The following MPDZ variants were observed in gnomAD, a reference collection of about 807,000 sequenced individuals.
MPDZ encodes multiple PDZ domain crumbs cell polarity complex component, also known as multiple PDZ domain protein.
In MPDZ, 234 loss-of-function variants were observed where a neutral mutation model predicts 239.1. That is an observed-to-expected ratio of 0.98 (90% CI 0.88 to 1.09). The LOEUF (loss-of-function observed/expected upper bound fraction) is 1.09. Ranked by LOEUF, MPDZ falls within the 50% of genes least tolerant of loss-of-function variation. The pLI, the probability that MPDZ is intolerant of heterozygous loss-of-function variation, is 0.00. For synonymous variants in MPDZ, 1,048 were observed against 881.3 expected (o/e 1.19, Z -3.35); for missense variants, 3,175 against 2,510.0 (o/e 1.26, Z -5.66).
chr9:13,133,219 C>T (rs941285229), intron 32 of MPDZ, among the ~76,000 whole-genome samples: 3 of 152,048 alleles, frequency 2.0e-5, no homozygotes, highest in East Asian at 1.9e-4. Context: ...AAGATGTCAT[C>T]TCTCTTAAAT....
In MPDZ at chr9:13,219,582, G is replaced by T. The variant is rs377282513; in HGVS notation, c.1063C>A (p.Pro355Thr). Residue 355 changes from proline to threonine, a missense_variant, in exon 8 of 47, where the codon CCA becomes ACA. Pro to Thr is a conservative substitution (Grantham distance 38). Coordinates refer to ENST00000319217, the MANE Select transcript of MPDZ (RefSeq NM_001378778.1). ...ACCCGCAACTCTGGTGTTGAAGTTGGGGATGAGGAGAGGGTGATGCCCAAA... is the reference window on the plus strand; with the variant it reads ...ACCCGCAACTCTGGTGTTGAAGTTGTGGATGAGGAGAGGGTGATGCCCAAA... ...TALGITLSSS[P>T]TSTPELRVDA... is the part of the protein sequence containing the mutation. 2.2e-5 allele frequency: 36 copies of T among 1,611,820 alleles called. No homozygotes were observed. The highest frequency in any genetic ancestry group is 3.0e-5 in the Non-Finnish European group (35 of 1,178,844).
At chr9:13,248,432 A>G (rs551893654) in intron 2 of MPDZ, among the ~76,000 whole-genome samples, 1 of 152,272 alleles carries the variant, frequency 6.6e-6, no homozygotes, top group African/African-American at 2.4e-5. Context: ...CTAAAAGTAA[A>G]TATATTGAGT....
At chr9:13,218,411 T>C (rs1472373936) in intron 8 of MPDZ, among the ~76,000 whole-genome samples, 2 of 151,922 alleles carry the variant, frequency 1.3e-5, no homozygotes, top group Non-Finnish European at 2.9e-5. Context: ...AGAACAGATA[T>C]TTTTCTAAGC....
At chr9:13,180,296 C>A (rs1231130766) in intron 19 of MPDZ, among the ~76,000 whole-genome samples, 1 of 152,128 alleles carries the variant, frequency 6.6e-6, no homozygotes, top group Non-Finnish European at 1.5e-5. Flanking sequence ...AGTTGACGTA[C>A]AAGGTGCAAA....
chr9:13,254,463 G>C (rs1968915930), intron 1 of MPDZ, among the ~76,000 whole-genome samples: 1 of 152,110 alleles, frequency 6.6e-6, no homozygotes, highest in Non-Finnish European at 1.5e-5. Context: ...AGAATACACA[G>C]TATATTGTTG....
intron 32 of MPDZ, among the ~76,000 whole-genome samples, chr9:13,129,783 C>A (rs1389323068): frequency 1.3e-5 from 2 of 152,008 alleles, no homozygotes; most frequent in Non-Finnish European, 2.9e-5. Flanking sequence ...GTTTCCCAGG[C>A]TGGTCTTGAA....
chr9:13,261,662 T>C (rs987124921), intron 1 of MPDZ, among the ~76,000 whole-genome samples: 2 of 152,024 alleles, frequency 1.3e-5, no homozygotes, highest in Non-Finnish European at 2.9e-5. Context: ...AATATAACAC[T>C]ATAAAGTTCT....
chr9:13,153,850 C>T (rs1949502420), intron 24 of MPDZ, among the ~76,000 whole-genome samples: 1 of 152,044 alleles, frequency 6.6e-6, no homozygotes, highest in South Asian at 2.1e-4. Context: ...GAAAATGTCT[C>T]CAAGGGCTCT....
At chr9:13,120,500 A>G (rs964641646) in intron 38 of MPDZ, 14 of 152,274 alleles carry the variant, frequency 9.2e-5, no homozygotes, top group African/African-American at 3.1e-4. Flanking sequence ...CCCACATCCT[A>G]TAGTAGCCAT....
intron 23 of MPDZ, among the ~76,000 whole-genome samples, chr9:13,161,579 A>G (rs1365469894): frequency 6.6e-6 from 1 of 152,134 alleles, no homozygotes; most frequent in Non-Finnish European, 1.5e-5. Flanking sequence ...GTCTCAAAAA[A>G]AAAAGAATTG....
chr9:13,168,022 A>T (rs1036090944), intron 22 of MPDZ, among the ~76,000 whole-genome samples: 4 of 152,112 alleles, frequency 2.6e-5, no homozygotes, highest in African/African-American at 9.7e-5. Context: ...ACAATTCCTT[A>T]TATCAAAGCC....
rs537691538 is a variant in MPDZ, at chr9:13,276,695, C to T, written c.-58+2705G>A. ...TTGGGGACATTCCAGTCCAACTTTG[C>T]CTCAAAATATTTCATGAAATTCAGA... On this transcript the variant is annotated intron_variant, in intron 1 of 46. Transcript: ENST00000319217. The T allele has an allele frequency of 4.6e-5, 7 of 152,240 alleles. No homozygotes were observed. In the South Asian group the frequency reaches 1.4e-3, roughly 32 times the overall value. The allele number at this position is 152,240 out of a possible 1,614,324, so 9.4% of individuals were successfully genotyped here. A position where few individuals can be genotyped will look rare whatever the true frequency, so the allele number is the denominator to read the frequency against.
chr9:13,218,109 C>T (rs1374589384), intron 8 of MPDZ, among the ~76,000 whole-genome samples: 2 of 151,768 alleles, frequency 1.3e-5, no homozygotes, highest in East Asian at 3.9e-4. Flanking sequence ...TTGGGGCTAG[C>T]TGATGTTTTC....
chr9:13,187,762 G>GTGTATCTGCCTTTTC (rs148418179), intron 17 of MPDZ, among the ~76,000 whole-genome samples: 2,057 of 152,146 alleles, frequency 0.014, 49 homozygotes, highest in South Asian at 0.081. Context: ...ATTTTCTTAA[G>GTGTATCTGCCTTTTC]ACTTCAAACT....
intron 1 of MPDZ, among the ~76,000 whole-genome samples, chr9:13,253,406 T>A (rs777608631): frequency 1.6e-4 from 24 of 152,184 alleles, no homozygotes; most frequent in Non-Finnish European, 3.1e-4. Context: ...TAAGAATTTT[T>A]AAAAATTGTT....
intron 1 of MPDZ, among the ~76,000 whole-genome samples, chr9:13,266,525 A>G (rs1481474069): frequency 6.6e-6 from 1 of 152,222 alleles, no homozygotes; most frequent in Non-Finnish European, 1.5e-5. Context: ...TTCAGCAGAC[A>G]GAAGAAATCA....
chr9:13,237,353 C>T (rs1249056850), intron 3 of MPDZ, among the ~76,000 whole-genome samples: 8 of 144,430 alleles, frequency 5.5e-5, no homozygotes, highest in African/African-American at 1.0e-4. Flanking sequence ...TGGAGGGTCA[C>T]GGGAGCCCAA....
At chr9:13,126,452 C>G in intron 34 of MPDZ, 64 bp downstream of exon 34, 1 of 1,139,824 alleles carries the variant, frequency 8.8e-7, no homozygotes, top group Non-Finnish European at 1.3e-6. Flanking sequence ...ATCGCAGACA[C>G]AAACACTTTA....
chr9:13,237,472 G>A (rs1338926223), intron 3 of MPDZ, among the ~76,000 whole-genome samples: 1 of 148,816 alleles, frequency 6.7e-6, no homozygotes, highest in Non-Finnish European at 1.5e-5. Context: ...AAGGTAAAAT[G>A]GTAAGTACAA....
Sources: allele counts gnomAD v4.1 joint callset (sites outside exome capture counted in the v4.1 genomes callset), GRCh38; gene constraint gnomAD v4.1.1; transcripts MANE v1.5; gene names NCBI Gene and HGNC (gene_info 2026-07-23, HGNC 2026-07-21).